ZMPSTE24: variants seen among roughly 807,000 people sequenced by gnomAD.
ZMPSTE24 encodes the protein zinc metallopeptidase STE24, also known as CAAX prenyl protease 1 homolog.
ZMPSTE24 carries 48 observed loss-of-function variants against 56.7 expected under a neutral mutation model. The ratio of observed to expected loss-of-function variants is 0.85; its 90% confidence interval spans 0.67 to 1.08. The LOEUF is 1.08. Ranked by LOEUF, ZMPSTE24 falls within the 50% of genes least tolerant of loss-of-function variation. ZMPSTE24 has a pLI of 0.00. For missense variants in ZMPSTE24, 503 were observed against 548.7 expected, an observed-to-expected ratio of 0.92 and a Z score of 0.83; for synonymous variants, 172 against 195.2, an observed-to-expected ratio of 0.88 and a Z score of 0.99.
chr1:40,260,933 A>G lies in ZMPSTE24; in HGVS notation c.218A>G (p.Asp73Gly). 6.2e-7 allele frequency: 1 copy of G among 1,614,170 alleles called. No homozygotes were observed. Among genetic ancestry groups the G allele is most frequent in the South Asian group, 1.1e-5 (1 of 91,082 alleles). Reference protein sequence around the residue: ...TFEKSRLYQLDKSTFSFWSGL... With the variant: ...TFEKSRLYQLGKSTFSFWSGL... ...GAGAAATCTCGACTCTATCAACTGG[A>G]TAAAAGCACTTTCAGCTTCTGGTCA... is the stretch of plus-strand genomic sequence containing the variant. The change falls in exon 2 of 10, where the codon GAT (aspartate) becomes GGT (glycine). Residue 73 changes from aspartate to glycine, a missense_variant. Asp to Gly is a moderately conservative substitution (Grantham distance 94, BLOSUM62 -1). Transcript: ENST00000372759.
chr1:40,286,057 T>A (rs1350771549), intron 8 of ZMPSTE24, 28 bp downstream of exon 8: 1 of 1,574,496 alleles, frequency 6.4e-7, no homozygotes, highest in Non-Finnish European at 8.7e-7. Flanking sequence ...ATTCTTTTTT[T>A]ATGGCATGAT....
intron 7 of ZMPSTE24, among the ~76,000 whole-genome samples, chr1:40,282,000 G>C (rs1051247745): frequency 5.9e-5 from 9 of 152,066 alleles, no homozygotes; most frequent in African/African-American, 2.2e-4. Flanking sequence ...TTGTATCCTT[G>C]GATACGTTGT....
chr1:40,275,459 A>G (rs1643659033), intron 6 of ZMPSTE24, among the ~76,000 whole-genome samples: 1 of 150,972 alleles, frequency 6.6e-6, no homozygotes, highest in Admixed American at 6.6e-5. Context: ...AAACAAACAA[A>G]ACCAGTATTT....
chr1:40,268,565 TA>T, intron 4 of ZMPSTE24, 30 bp downstream of exon 4: 1 of 1,429,744 alleles, frequency 7.0e-7, no homozygotes, highest in East Asian at 2.3e-5. Context: ...TGTTCTCTTT[TA>T]AATGTGAAAA....
intron 6 of ZMPSTE24, among the ~76,000 whole-genome samples, chr1:40,276,671 A>T (rs938790423): frequency 6.6e-6 from 1 of 152,240 alleles, no homozygotes; most frequent in Non-Finnish European, 1.5e-5. Flanking sequence ...TTGCTTAATA[A>T]TGGCAATATG....
chr1:40,288,819 CTAA>C (rs34111834), intron 8 of ZMPSTE24, among the ~76,000 whole-genome samples: 8,930 of 152,128 alleles, frequency 0.059, 372 homozygotes, highest in East Asian at 0.17. Flanking sequence ...TTCCAAGGCC[CTAA>C]TAATTCAGCC....
chr1:40,267,831 G>A lies in ZMPSTE24; in HGVS notation c.316G>A (p.Gly106Arg). Reference sequence around the variant, plus strand: ...AATACCTTATCTCTGGAGACTTTCTGGACGGTTCTGTGGTTATGCTGGCTT... The same window carrying A: ...AATACCTTATCTCTGGAGACTTTCTAGACGGTTCTGTGGTTATGCTGGCTT... ...GGIPYLWRLSGRFCGYAGFGP... is the reference protein window; with the variant it reads ...GGIPYLWRLSRRFCGYAGFGP... The change falls in exon 3 of 10, where the codon GGA (glycine) becomes AGA (arginine). Residue 106 changes from glycine to arginine, a missense_variant. Transcript: ENST00000372759. 1.2e-6 allele frequency: 2 copies of A among 1,613,826 alleles called. No homozygotes were observed. Among genetic ancestry groups the A allele is most frequent in the Non-Finnish European group, 1.7e-6 (2 of 1,179,798 alleles).
chr1:40,292,298 C>A, intron 9 of ZMPSTE24, 147 bp from the exon 10 acceptor site: 1 of 736,230 alleles, frequency 1.4e-6, no homozygotes, highest in East Asian at 2.5e-5. Context: ...TTTCCTCACC[C>A]TAGGTCCCCT....
Position 40,269,012 on chromosome 1 carries a change from C to G in ZMPSTE24, c.474+477C>G, listed in dbSNP as rs61779102. On this transcript the variant is annotated intron_variant, in intron 4 of 9. Transcript: ENST00000372759. Reference sequence around the variant, plus strand: ...AATGGCGTGAACCCGGGAGGCAGAGCTTGCAGTGAGCTGAGATCTCGCCAC... The same window carrying G: ...AATGGCGTGAACCCGGGAGGCAGAGGTTGCAGTGAGCTGAGATCTCGCCAC... 8.5e-5 allele frequency among the ~76,000 whole-genome samples: 12 copies of G among 141,138 alleles called. 1 individual carries two copies. The highest frequency in any genetic ancestry group is 4.4e-4 in the East Asian group (2 of 4,582). 92.6% of individuals were successfully genotyped at this position (141,138 alleles called of 152,430 possible). A position where few individuals can be genotyped will look rare whatever the true frequency, so the allele number is the denominator to read the frequency against.
At chr1:40,286,836 C>T (rs1295310732) in intron 8 of ZMPSTE24, among the ~76,000 whole-genome samples, 4 of 149,774 alleles carry the variant, frequency 2.7e-5, no homozygotes, top group African/African-American at 9.9e-5. Context: ...CAAGCAATTC[C>T]CCTGCCTCAG....
chr1:40,271,530 G>A (rs768224830), intron 5 of ZMPSTE24, among the ~76,000 whole-genome samples: 2 of 152,100 alleles, frequency 1.3e-5, no homozygotes, highest in South Asian at 2.1e-4. Context: ...TTGTGATTAC[G>A]CTAAAAGGTA....
chr1:40,274,657 T>C (rs548577754), intron 6 of ZMPSTE24, among the ~76,000 whole-genome samples: 2 of 152,264 alleles, frequency 1.3e-5, no homozygotes, highest in East Asian at 3.9e-4. Flanking sequence ...AGTTTGGATT[T>C]TGAGTTCAGT....
chr1:40,268,299 T>C, intron 3 of ZMPSTE24, 120 bp from the exon 4 acceptor site: 1 of 768,932 alleles, frequency 1.3e-6, no homozygotes, highest in Non-Finnish European at 2.3e-6. Context: ...TCAGACCTTA[T>C]GTTATCCATA....
intron 7 of ZMPSTE24, among the ~76,000 whole-genome samples, chr1:40,282,233 T>C (rs1461774989): frequency 6.6e-6 from 1 of 152,346 alleles, no homozygotes; most frequent in Non-Finnish European, 1.5e-5. Flanking sequence ...GAAAAGACAT[T>C]TCTCAAATCT....
rs182160973 is a variant in ZMPSTE24, at chr1:40,266,245, C to T, written c.271-1541C>T. 6.0e-4 allele frequency among the ~76,000 whole-genome samples: 92 copies of T among 152,214 alleles called. 1 individual carries two copies. The highest frequency in any genetic ancestry group is 3.5e-3 in the Admixed American group (53 of 15,290). On this transcript the variant is annotated intron_variant, in intron 2 of 9. Coordinates refer to ENST00000372759, the MANE Select transcript of ZMPSTE24 (RefSeq NM_005857.5). ...ATGATAGTACCAAAACCCCTCAAACCATGAGGAACTATGTCTGAACCAGTG... is the reference window on the plus strand; with the variant it reads ...ATGATAGTACCAAAACCCCTCAAACTATGAGGAACTATGTCTGAACCAGTG...
At chr1:40,289,438 A>G (rs1643818288) in intron 8 of ZMPSTE24, among the ~76,000 whole-genome samples, 1 of 152,230 alleles carries the variant, frequency 6.6e-6, no homozygotes, top group Non-Finnish European at 1.5e-5. Flanking sequence ...AAGTGGATGC[A>G]TAGATTATAA....
Position 40,268,484 on chromosome 1 carries a change from G to A in ZMPSTE24, c.423G>A (p.Trp141Ter). Residue 141 changes from tryptophan (W) to a stop codon, truncating the protein, a stop_gained, in exon 4 of 10, where the codon TGG (tryptophan) becomes TGA (stop). Coordinates refer to ENST00000372759, the MANE Select transcript of ZMPSTE24 (RefSeq NM_005857.5). LOFTEE classifies it high-confidence loss of function. ...TCAGTGCATTGACTGGTTTGCCATG[G>A]AGTCTTTATAATACTTTTGTGATAG... is the stretch of plus-strand genomic sequence containing the variant. ...TLFSALTGLP[W>*]SLYNTFVIEE... 1 of 1,613,038 alleles carries A rather than the reference G, an allele frequency of 6.2e-7. No homozygotes were observed. The highest frequency in any genetic ancestry group is 8.5e-7 in the Non-Finnish European group (1 of 1,179,950).
At chr1:40,289,497 C>T (rs1042259152) in intron 8 of ZMPSTE24, among the ~76,000 whole-genome samples, 2 of 152,182 alleles carry the variant, frequency 1.3e-5, no homozygotes, top group African/African-American at 4.8e-5. Flanking sequence ...CATATTGGAT[C>T]CACTGAGTTA....
At chr1:40,261,993 G>A (rs528314618) in intron 2 of ZMPSTE24, among the ~76,000 whole-genome samples, 2 of 152,288 alleles carry the variant, frequency 1.3e-5, no homozygotes, top group Non-Finnish European at 1.5e-5. Flanking sequence ...ACAGTCATGA[G>A]CCACTGTGCC....
Sources: gnomAD v4.1 joint callset for allele counts (sites outside exome capture counted in the v4.1 genomes callset) on GRCh38, gnomAD v4.1.1 for gene constraint, MANE v1.5 for transcripts, NCBI Gene and HGNC (gene_info 2026-07-23, HGNC 2026-07-21) for gene names.